SLIT3: variants seen among roughly 807,000 people sequenced by gnomAD.
The protein encoded by SLIT3 is slit homolog 3 protein.
Under a neutral mutation model 184.0 loss-of-function variants are expected in SLIT3, and 68 were observed. That is an observed-to-expected ratio of 0.37 (90% CI 0.30 to 0.45). The LOEUF (loss-of-function observed/expected upper bound fraction) is 0.45. Ranked by LOEUF, SLIT3 falls within the 20% of genes least tolerant of loss-of-function variation. The probability of loss-of-function intolerance (pLI) is 1.00; values close to 1 mark genes in which losing one functional copy is unlikely to be tolerated. For synonymous variants in SLIT3, 831 were observed against 828.6 expected (o/e 1.00, Z -0.05); for missense variants, 1,707 against 2,026.0 (o/e 0.84, Z 3.02).
chr5:169,201,511 A>AT (rs1763902793), intron 3 of SLIT3, among the ~76,000 whole-genome samples: 2 of 152,182 alleles, frequency 1.3e-5, no homozygotes, highest in African/African-American at 4.8e-5. Context: ...AGCTACTGTT[A>AT]TTATCAGTAT....
At chr5:168,790,674 A>T (rs1463136336) in intron 10 of SLIT3, 1 of 152,202 alleles carries the variant, frequency 6.6e-6, no homozygotes, top group Non-Finnish European at 1.5e-5. Flanking sequence ...GCTTTTGTGC[A>T]GAAGTGGGAG....
At chr5:169,183,219 A>G (rs981993125) in intron 4 of SLIT3, among the ~76,000 whole-genome samples, 1 of 152,240 alleles carries the variant, frequency 6.6e-6, no homozygotes, top group African/African-American at 2.4e-5. Context: ...AATGTTAACA[A>G]CAGGGAATTG....
intron 4 of SLIT3, among the ~76,000 whole-genome samples, chr5:169,053,200 AC>A (rs1451626366): frequency 6.6e-6 from 1 of 152,178 alleles, no homozygotes; most frequent in East Asian, 1.9e-4. Flanking sequence ...ATTGATTCCA[AC>A]CTGGCTCCAG....
chr5:168,687,190 TCAG>T, intron 29 of SLIT3, 74 bp from the exon 30 acceptor site: 1 of 1,557,236 alleles, frequency 6.4e-7, no homozygotes, highest in Non-Finnish European at 8.8e-7. Flanking sequence ...CCAGCCCCCC[TCAG>T]CAGGTGGCCT....
At chr5:169,183,142 C>G (rs1201973257) in intron 4 of SLIT3, among the ~76,000 whole-genome samples, 1 of 152,226 alleles carries the variant, frequency 6.6e-6, no homozygotes, top group Non-Finnish European at 1.5e-5. Flanking sequence ...GTGACACACA[C>G]AGTAGGCGTT....
chr5:168,678,480 G>A (rs1050609412), intron 32 of SLIT3, among the ~76,000 whole-genome samples: 5 of 152,062 alleles, frequency 3.3e-5, no homozygotes, highest in African/African-American at 4.8e-5. Flanking sequence ...TCAGGAGTTC[G>A]AGACCAGCCT....
chr5:169,188,373 A>G (rs1181995700), intron 4 of SLIT3, among the ~76,000 whole-genome samples: 1 of 152,184 alleles, frequency 6.6e-6, no homozygotes, highest in Admixed American at 6.5e-5. Context: ...TGTCTCTCCC[A>G]TGAGTAGGTT....
At chr5:169,178,310 G>T (rs1179822467) in intron 4 of SLIT3, among the ~76,000 whole-genome samples, 1 of 152,180 alleles carries the variant, frequency 6.6e-6, no homozygotes, top group Non-Finnish European at 1.5e-5. Flanking sequence ...CCAGAAATCT[G>T]AGTGCTGAGG....
chr5:168,840,115 G>A (rs1398793475), intron 6 of SLIT3, among the ~76,000 whole-genome samples: 1 of 152,200 alleles, frequency 6.6e-6, no homozygotes, highest in Non-Finnish European at 1.5e-5. Flanking sequence ...ATGGGAGTGA[G>A]AGCTTCCAAA....
At position 168,670,001 on chromosome 5, in the gene SLIT3, G is replaced by T. The variant is rs962193691; in HGVS notation, c.4128-10C>A. ...TTTTCCATGGTGGCATCTAGGGGCA[G>T]AGAGGAGGATGAGAAGGGAACTGGA... On this transcript the variant is annotated splice_polypyrimidine_tract_variant and intron_variant, in intron 34 of 35. Coordinates refer to ENST00000519560, the MANE Select transcript of SLIT3 (RefSeq NM_003062.4). The T allele has an allele frequency of 6.2e-7, 1 of 1,612,892 alleles. No individual in the cohort carries two copies. The highest frequency in any genetic ancestry group is 8.5e-7 in the Non-Finnish European group (1 of 1,179,122).
intron 4 of SLIT3, among the ~76,000 whole-genome samples, chr5:169,117,326 A>G (rs2113278006): frequency 6.6e-6 from 1 of 152,324 alleles, no homozygotes; most frequent in Non-Finnish European, 1.5e-5. Context: ...GAAGTGAGTG[A>G]GCAAAGATCA....
chr5:169,128,771 A>G (rs1761177198), intron 4 of SLIT3, among the ~76,000 whole-genome samples: 1 of 152,172 alleles, frequency 6.6e-6, no homozygotes. Flanking sequence ...GTTTCAAAGA[A>G]TTCTCTGATC....
chr5:168,859,946 T>G (rs1759041385), intron 5 of SLIT3, among the ~76,000 whole-genome samples: 1 of 151,870 alleles, frequency 6.6e-6, no homozygotes, highest in Non-Finnish European at 1.5e-5. Flanking sequence ...AACATTCACC[T>G]ACTTACTTAT....
chr5:168,720,396 G>A (rs1403945021), intron 23 of SLIT3: 1 of 152,262 alleles, frequency 6.6e-6, no homozygotes, highest in Non-Finnish European at 1.5e-5. Flanking sequence ...AAGACAGACA[G>A]ATGGACGGGC....
rs145461439 is a variant in SLIT3 at position 168,671,304 on chromosome 5, C to T, written c.4021G>A (p.Gly1341Ser). 47 of 1,613,788 alleles carry T rather than the reference C, an allele frequency of 2.9e-5. No homozygotes were observed. Among genetic ancestry groups the T allele is most frequent in the Middle Eastern group, 1.6e-4 (1 of 6,084 alleles). ...GCKSCTVCKH[G>S]LCRSVEKDSV... ...TCCTTCTCCACGGAGCGGCACAGGC[C>T]GTGCTTGCACACGGTGCAGGACTTG... The change falls in exon 34 of 36, where the codon GGC becomes AGC. Residue 1341 changes from glycine (G) to serine (S), a missense_variant. Gly to Ser is a moderately conservative substitution (Grantham distance 56). This residue lies in a region of SLIT3 where 387 missense variants were observed against 477.9 expected (regional missense o/e 0.81). Coordinates refer to ENST00000519560, the MANE Select transcript of SLIT3 (RefSeq NM_003062.4).
intron 1 of SLIT3, among the ~76,000 whole-genome samples, chr5:169,262,685 C>A (rs1766235769): frequency 6.6e-6 from 1 of 152,184 alleles, no homozygotes. Context: ...CATTCCACAG[C>A]TCAATAAGAA....
At chr5:168,881,136 T>C (rs1326425476) in intron 5 of SLIT3, among the ~76,000 whole-genome samples, 11 of 152,134 alleles carry the variant, frequency 7.2e-5, no homozygotes, top group Non-Finnish European at 1.2e-4. Flanking sequence ...TAGTAGTGAG[T>C]ATAAACAAAG....
intron 4 of SLIT3, among the ~76,000 whole-genome samples, chr5:169,117,722 C>A (rs1760728266): frequency 6.6e-6 from 1 of 152,202 alleles, no homozygotes; most frequent in Non-Finnish European, 1.5e-5. Flanking sequence ...CTAACAAACT[C>A]TATTCCCTGC....
intron 23 of SLIT3, among the ~76,000 whole-genome samples, chr5:168,715,617 C>T (rs796139909): frequency 3.3e-5 from 5 of 152,318 alleles, no homozygotes; most frequent in African/African-American, 1.2e-4. Context: ...GAAAGACTGC[C>T]TGAGAATGAA....
Sources: allele counts gnomAD v4.1 joint callset (sites outside exome capture counted in the v4.1 genomes callset), GRCh38; gene constraint gnomAD v4.1.1; regional missense constraint gnomAD v4.1.1; transcripts MANE v1.5; gene names NCBI Gene and HGNC (gene_info 2026-07-23, HGNC 2026-07-21).